MALRD1: variants seen among roughly 807,000 people sequenced by gnomAD.
MALRD1 encodes MAM and LDL receptor class A domain containing 1.
MALRD1 carries 247 observed loss-of-function variants against 242.1 expected under a neutral mutation model. That is an observed-to-expected ratio of 1.02 (90% CI 0.92 to 1.13). MALRD1 has a LOEUF of 1.13. Ranked by LOEUF, MALRD1 falls within the 50% of genes most tolerant of loss-of-function variation. The pLI, the probability that MALRD1 is intolerant of heterozygous loss-of-function variation, is 0.00. For missense variants in MALRD1, 2,989 were observed against 2,533.1 expected, an observed-to-expected ratio of 1.18 and a Z score of -3.86; for synonymous variants, 995 against 866.6, an observed-to-expected ratio of 1.15 and a Z score of -2.60.
chr10:19,550,558 G>A lies in MALRD1; in HGVS notation c.5479-16944G>A, dbSNP rs1013025293. 3.8e-4 allele frequency among the ~76,000 whole-genome samples: 57 copies of A among 151,950 alleles called. 1 individual carries two copies. The highest frequency in any genetic ancestry group is 1.3e-3 in the Admixed American group (20 of 15,246). ...CCCCTCTATGTGTCCACATGTTCTC[G>A]TCATTTAGCTCCCACTTAAGTGTGA... On this transcript the variant is annotated intron_variant, in intron 32 of 39. Coordinates refer to ENST00000454679, the MANE Select transcript of MALRD1 (RefSeq NM_001142308.3).
intron 21 of MALRD1, among the ~76,000 whole-genome samples, chr10:19,293,839 C>T (rs1841563222): frequency 6.6e-6 from 1 of 152,144 alleles, no homozygotes; most frequent in Non-Finnish European, 1.5e-5. Flanking sequence ...ATAATCTTTA[C>T]AACAAATCCC....
chr10:19,205,409 G>A, intron 17 of MALRD1, 144 bp downstream of exon 17: 1 of 1,007,898 alleles, frequency 9.9e-7, no homozygotes, highest in Non-Finnish European at 1.4e-6. Flanking sequence ...AATTAGTCAA[G>A]CCATCAGTAT....
intron 36 of MALRD1, among the ~76,000 whole-genome samples, chr10:19,656,370 T>C (rs1251155216): frequency 1.3e-5 from 2 of 152,196 alleles, no homozygotes; most frequent in African/African-American, 4.8e-5. Flanking sequence ...ATTCCTCTTA[T>C]AATTAGTGTT....
chr10:19,626,543 G>C (rs1839660052), intron 36 of MALRD1, among the ~76,000 whole-genome samples: 1 of 151,852 alleles, frequency 6.6e-6, no homozygotes, highest in African/African-American at 2.4e-5. Flanking sequence ...AAGACTAGAT[G>C]AATTTCCTTT....
intron 26 of MALRD1, among the ~76,000 whole-genome samples, chr10:19,367,924 G>T (rs1845176261): frequency 6.6e-6 from 1 of 151,894 alleles, no homozygotes; most frequent in African/African-American, 2.4e-5. Flanking sequence ...TGTTTGTTCA[G>T]ATCATTTGCC....
intron 32 of MALRD1, among the ~76,000 whole-genome samples, chr10:19,566,262 G>C (rs1462065695): frequency 6.6e-6 from 1 of 150,510 alleles, no homozygotes; most frequent in Non-Finnish European, 1.5e-5. Flanking sequence ...CTGAGTAGTA[G>C]CTGGGACTAC....
At chr10:19,305,844 G>T (rs1842142505) in intron 21 of MALRD1, among the ~76,000 whole-genome samples, 1 of 127,534 alleles carries the variant, frequency 7.8e-6, no homozygotes, top group Non-Finnish European at 1.6e-5. Context: ...TATATATTAT[G>T]TATATACTAT....
intron 18 of MALRD1, among the ~76,000 whole-genome samples, chr10:19,241,670 T>C (rs1838780860): frequency 6.6e-6 from 1 of 152,110 alleles, no homozygotes; most frequent in South Asian, 2.1e-4. Context: ...ATCTTTCTTC[T>C]TTTTTGGTGT....
intron 26 of MALRD1, among the ~76,000 whole-genome samples, chr10:19,376,109 G>A (rs958497059): frequency 9.2e-5 from 14 of 152,158 alleles, no homozygotes; most frequent in African/African-American, 3.1e-4. Context: ...GTGACAGAGC[G>A]AGACTTCGTC....
chr10:19,157,837 T>C (rs1834232989), intron 12 of MALRD1, among the ~76,000 whole-genome samples: 2 of 152,204 alleles, frequency 1.3e-5, no homozygotes, highest in African/African-American at 4.8e-5. Context: ...GAAAGGACTT[T>C]AAAGCAACTT....
intron 2 of MALRD1, among the ~76,000 whole-genome samples, chr10:19,074,982 A>G (rs1835272627): frequency 6.6e-6 from 1 of 152,028 alleles, no homozygotes; most frequent in African/African-American, 2.4e-5. Flanking sequence ...AATGAGGGTG[A>G]CCATGATATT....
chr10:19,678,821 C>G (rs912885950), intron 36 of MALRD1, among the ~76,000 whole-genome samples: 3 of 152,058 alleles, frequency 2.0e-5, no homozygotes, highest in African/African-American at 7.2e-5. Flanking sequence ...GAGATACGTT[C>G]CATCAATACC....
chr10:19,095,239 T>C (rs1835982339), intron 4 of MALRD1, among the ~76,000 whole-genome samples: 1 of 152,216 alleles, frequency 6.6e-6, no homozygotes, highest in South Asian at 2.1e-4. Context: ...AGTTGAATTA[T>C]AAGATATAGG....
chr10:19,167,141 C>T (rs564257872), intron 13 of MALRD1, among the ~76,000 whole-genome samples: 13 of 152,162 alleles, frequency 8.5e-5, no homozygotes, highest in African/African-American at 2.9e-4. Flanking sequence ...GGGTGGATCA[C>T]GAGATCAGGA....
chr10:19,327,795 C>A, intron 23 of MALRD1, 122 bp downstream of exon 23: 1 of 746,004 alleles, frequency 1.3e-6, no homozygotes, highest in Non-Finnish European at 2.2e-6. Context: ...TCTGTGGATG[C>A]GTGGACACCA....
chr10:19,443,811 G>T (rs1478682460), intron 28 of MALRD1, among the ~76,000 whole-genome samples: 1 of 152,208 alleles, frequency 6.6e-6, no homozygotes, highest in African/African-American at 2.4e-5. Context: ...ATTTGGGATG[G>T]AGAGTTCTGT....
At chr10:19,682,648 T>C in intron 36 of MALRD1, among the ~76,000 whole-genome samples, 1 of 152,226 alleles carries the variant, frequency 6.6e-6, no homozygotes, top group East Asian at 1.9e-4. Context: ...TGTGGAATTT[T>C]AGCGCTTTGT....
At chr10:19,551,545 G>A (rs1046177188) in intron 32 of MALRD1, among the ~76,000 whole-genome samples, 2 of 152,104 alleles carry the variant, frequency 1.3e-5, no homozygotes, top group African/African-American at 2.4e-5. Flanking sequence ...CATGTCGCCT[G>A]CAAAGAGGGG....
intron 28 of MALRD1, among the ~76,000 whole-genome samples, chr10:19,408,925 C>T (rs754524449): frequency 1.3e-5 from 2 of 152,134 alleles, no homozygotes; most frequent in Non-Finnish European, 2.9e-5. Flanking sequence ...CCATATAATC[C>T]AGCAGTTGCA....
Sources: allele counts gnomAD v4.1 joint callset (sites outside exome capture counted in the v4.1 genomes callset), GRCh38; gene constraint gnomAD v4.1.1; transcripts MANE v1.5; gene names NCBI Gene and HGNC (gene_info 2026-07-23, HGNC 2026-07-21).